CDH18: variants seen among roughly 807,000 people sequenced by gnomAD.
CDH18 encodes cadherin-18.
Under a neutral mutation model 67.9 loss-of-function variants are expected in CDH18, and 31 were observed. That is an observed-to-expected ratio of 0.46 (90% CI 0.34 to 0.62). The LOEUF is 0.62. Among genes scored for constraint, CDH18 ranks in the 20% least tolerant of loss-of-function variants. The pLI, the probability that CDH18 is intolerant of heterozygous loss-of-function variation, is 0.01. For synonymous variants in CDH18, 362 were observed against 347.2 expected (o/e 1.04, Z -0.48); for missense variants, 890 against 975.5 (o/e 0.91, Z 1.17).
chr5:19,703,573 CACAGGGCA>C (rs1284671305), intron 5 of CDH18, among the ~76,000 whole-genome samples: 2 of 151,974 alleles, frequency 1.3e-5, no homozygotes, highest in Non-Finnish European at 2.9e-5. Flanking sequence ...TTGTGGAGGA[CACAGGGCA>C]AAAAGTAGTT....
intron 2 of CDH18, among the ~76,000 whole-genome samples, chr5:19,998,493 T>C (rs375099431): frequency 1.3e-5 from 2 of 152,180 alleles, no homozygotes; most frequent in East Asian, 3.9e-4. Flanking sequence ...ACATTGACTT[T>C]GATAGGACCA....
intron 5 of CDH18, among the ~76,000 whole-genome samples, chr5:19,710,351 T>C (rs1413794726): frequency 6.6e-6 from 1 of 152,154 alleles, no homozygotes. Flanking sequence ...TTGTCTTCTA[T>C]GTGTCACACA....
Position 20,474,790 on chromosome 5 carries a change from A to G in CDH18, c.-580+100672T>C, listed in dbSNP as rs916738236. On this transcript the variant is annotated intron_variant, in intron 1 of 14. Transcript: ENST00000507958. ...TGCTGCTGCAAGATATCCTTTTATT[A>G]GGCTAATAAATTCTGCCTTTTTATT... is the stretch of plus-strand genomic sequence containing the variant. 2.6e-5 allele frequency among the ~76,000 whole-genome samples: 4 copies of G among 152,224 alleles called. No homozygotes were observed. The East Asian group carries it at 7.7e-4, about 29-fold the overall frequency.
intron 2 of CDH18, among the ~76,000 whole-genome samples, chr5:20,240,365 T>C (rs1198649725): frequency 1.3e-5 from 2 of 152,130 alleles, no homozygotes; most frequent in African/African-American, 2.4e-5. Flanking sequence ...AGACAAAATA[T>C]ATGATAGTTT....
At chr5:19,481,941 C>A (rs1009014157) in intron 12 of CDH18, among the ~76,000 whole-genome samples, 1 of 152,058 alleles carries the variant, frequency 6.6e-6, no homozygotes, top group Non-Finnish European at 1.5e-5. Flanking sequence ...CTTGTTATTA[C>A]AATACAGATT....
At chr5:20,453,578 T>A (rs575298670) in intron 1 of CDH18, among the ~76,000 whole-genome samples, 1,020 of 15,578 alleles carry the variant, frequency 0.065, 21 homozygotes, top group South Asian at 0.38. Flanking sequence ...TATATATGTG[T>A]GTGTGTGTGT....
chr5:20,535,945 G>A (rs915960253), intron 1 of CDH18, among the ~76,000 whole-genome samples: 4 of 152,154 alleles, frequency 2.6e-5, no homozygotes, highest in Admixed American at 2.0e-4. Flanking sequence ...CTTTCTACTT[G>A]CTACACTGCA....
chr5:20,274,014 G>C (rs756094954), intron 1 of CDH18, among the ~76,000 whole-genome samples: 2 of 152,088 alleles, frequency 1.3e-5, no homozygotes, highest in Non-Finnish European at 2.9e-5. Context: ...GATACAGGTG[G>C]AGAAACGGAG....
At chr5:20,166,118 C>G (rs1412357154) in intron 2 of CDH18, among the ~76,000 whole-genome samples, 1 of 151,936 alleles carries the variant, frequency 6.6e-6, no homozygotes, top group South Asian at 2.1e-4. Flanking sequence ...TATTATACTC[C>G]TTTACTTTAA....
chr5:19,804,695 T>G (rs1283339815), intron 3 of CDH18, among the ~76,000 whole-genome samples: 1 of 152,182 alleles, frequency 6.6e-6, no homozygotes, highest in Non-Finnish European at 1.5e-5. Flanking sequence ...ATGATTAGCA[T>G]GTTGAGAAAC....
chr5:20,262,865 C>T (rs2126637979), intron 1 of CDH18, among the ~76,000 whole-genome samples: 1 of 151,040 alleles, frequency 6.6e-6, no homozygotes, highest in South Asian at 2.1e-4. Flanking sequence ...GGCTCTAAAC[C>T]ATATTAAGAC....
intron 12 of CDH18, among the ~76,000 whole-genome samples, chr5:19,481,977 T>A (rs1471675242): frequency 6.6e-6 from 1 of 152,190 alleles, no homozygotes; most frequent in Non-Finnish European, 1.5e-5. Context: ...AAGAGCATTC[T>A]AAAGAGTTTA....
chr5:20,286,971 A>G (rs1354528691), intron 1 of CDH18, among the ~76,000 whole-genome samples: 4 of 151,876 alleles, frequency 2.6e-5, no homozygotes, highest in East Asian at 1.9e-4. Context: ...TGTTTTGAGT[A>G]CCTTTTTTTC....
intron 3 of CDH18, among the ~76,000 whole-genome samples, chr5:19,825,731 T>C (rs899657205): frequency 2.6e-5 from 4 of 151,842 alleles, no homozygotes; most frequent in Non-Finnish European, 5.9e-5. Context: ...ACAAAACTTA[T>C]GCAAAGGACA....
chr5:20,142,119 T>C (rs1750290536), intron 2 of CDH18, among the ~76,000 whole-genome samples: 2 of 152,158 alleles, frequency 1.3e-5, no homozygotes, highest in African/African-American at 4.8e-5. Flanking sequence ...AGGAAGCAAA[T>C]GATTTGTGGT....
chr5:19,695,539 A>G (rs559337123), intron 5 of CDH18, among the ~76,000 whole-genome samples: 1 of 152,330 alleles, frequency 6.6e-6, no homozygotes, highest in South Asian at 2.1e-4. Context: ...CGCTTGACAT[A>G]CAATCAGTAA....
At chr5:20,163,473 C>G (rs1580379406) in intron 2 of CDH18, among the ~76,000 whole-genome samples, 1 of 152,230 alleles carries the variant, frequency 6.6e-6, no homozygotes, top group East Asian at 1.9e-4. Flanking sequence ...ATGGATTATT[C>G]TTAACAGAAA....
At chr5:19,658,649 T>C (rs1172672395) in intron 5 of CDH18, among the ~76,000 whole-genome samples, 1 of 151,856 alleles carries the variant, frequency 6.6e-6, no homozygotes, top group African/African-American at 2.4e-5. Flanking sequence ...TTTAAACTTC[T>C]TTTTTTCTTT....
chr5:20,493,208 G>A (rs1226467143), intron 1 of CDH18, among the ~76,000 whole-genome samples: 1 of 151,614 alleles, frequency 6.6e-6, no homozygotes, highest in Non-Finnish European at 1.5e-5. Flanking sequence ...AAACTAGCCA[G>A]CATGGTGACA....
Sources: gnomAD v4.1 joint callset for allele counts (sites outside exome capture counted in the v4.1 genomes callset) on GRCh38, gnomAD v4.1.1 for gene constraint, MANE v1.5 for transcripts, NCBI Gene and HGNC (gene_info 2026-07-23, HGNC 2026-07-21) for gene names.